Variants in CMSS1 observed in about 807,000 individuals in gnomAD.
The protein encoded by CMSS1 is protein CMSS1.
CMSS1 carries 33 observed loss-of-function variants against 43.5 expected under a neutral mutation model. The ratio of observed to expected loss-of-function variants is 0.76; its 90% CI spans 0.57 to 1.01. The LOEUF is 1.01. Ranked by LOEUF, CMSS1 falls within the 50% of genes least tolerant of loss-of-function variation. The pLI, the probability that CMSS1 is intolerant of heterozygous loss-of-function variation, is 0.00. For missense variants in CMSS1, 313 were observed against 326.4 expected (o/e 0.96, Z 0.32); for synonymous variants, 115 against 117.2 (o/e 0.98, Z 0.12).
At chr3:100,006,286 C>T (rs1306487619) in intron 1 of CMSS1, among the ~76,000 whole-genome samples, 2 of 152,086 alleles carry the variant, frequency 1.3e-5, no homozygotes, top group Non-Finnish European at 2.9e-5. Flanking sequence ...TTTTTGTTGT[C>T]TTTGAATTGT....
At chr3:99,993,264 T>C (rs1205950691) in intron 1 of CMSS1, among the ~76,000 whole-genome samples, 1 of 152,122 alleles carries the variant, frequency 6.6e-6, no homozygotes, top group Non-Finnish European at 1.5e-5. Flanking sequence ...TAATATTGAT[T>C]CTTCAATCTA....
intron 1 of CMSS1, chr3:99,833,282 G>A (rs759499304): frequency 4.7e-5 from 76 of 1,601,170 alleles, no homozygotes; most frequent in Non-Finnish European, 6.4e-5. Flanking sequence ...GTAGAAAGAA[G>A]AGGAGTAAAT....
chr3:99,998,698 G>T (rs1358803305), intron 1 of CMSS1, among the ~76,000 whole-genome samples: 1 of 152,178 alleles, frequency 6.6e-6, no homozygotes, highest in Admixed American at 6.5e-5. Flanking sequence ...CAGTAGCTGG[G>T]ACTACAAGCA....
chr3:100,152,458 G>A (rs1480851635), intron 2 of CMSS1, among the ~76,000 whole-genome samples: 1 of 152,126 alleles, frequency 6.6e-6, no homozygotes, highest in Non-Finnish European at 1.5e-5. Context: ...GGCCCTTGCT[G>A]AGAGAATATG....
At chr3:99,841,574 C>T (rs1165890851) in intron 1 of CMSS1, among the ~76,000 whole-genome samples, 1 of 152,142 alleles carries the variant, frequency 6.6e-6, no homozygotes, top group Non-Finnish European at 1.5e-5. Flanking sequence ...CTTTGTAGGT[C>T]TGTAGGGCTT....
At chr3:99,983,406 A>G (rs1446813734) in intron 1 of CMSS1, among the ~76,000 whole-genome samples, 5 of 110,602 alleles carry the variant, frequency 4.5e-5, no homozygotes, top group Admixed American at 2.0e-4. Context: ...ATATATATAT[A>G]TATATATATA....
intron 1 of CMSS1, among the ~76,000 whole-genome samples, chr3:99,881,631 C>T (rs1412924293): frequency 6.6e-6 from 1 of 151,748 alleles, no homozygotes; most frequent in Non-Finnish European, 1.5e-5. Context: ...CTCCTGGGTT[C>T]AGACAGTTCT....
intron 1 of CMSS1, among the ~76,000 whole-genome samples, chr3:99,867,384 A>T (rs528547289): frequency 3.2e-4 from 48 of 152,324 alleles, no homozygotes; most frequent in African/African-American, 1.2e-3. Flanking sequence ...GAATTTTAAG[A>T]GAAGGCAAAC....
intron 1 of CMSS1, among the ~76,000 whole-genome samples, chr3:99,963,551 G>A (rs1708555726): frequency 6.6e-6 from 1 of 152,154 alleles, no homozygotes; most frequent in Admixed American, 6.5e-5. Flanking sequence ...TACATTTTGT[G>A]TCAGAGAAGA....
At chr3:99,865,866 G>A (rs970779631) in intron 1 of CMSS1, among the ~76,000 whole-genome samples, 5 of 151,594 alleles carry the variant, frequency 3.3e-5, no homozygotes, top group African/African-American at 1.2e-4. Flanking sequence ...TGATCCTTTT[G>A]TATTTTAGCA....
rs576629260 is a variant in CMSS1, at chr3:99,971,140, A to G, written c.64+153097A>G. On this transcript the variant is annotated intron_variant, in intron 1 of 9. Coordinates refer to ENST00000421999, the MANE Select transcript of CMSS1 (RefSeq NM_032359.4). ...ATCACTAGGTCAGGAGATCGAGACC[A>G]TCCTGGCTAACATGGTGAAACCCCG... Among the ~76,000 whole-genome samples, 5 of 152,298 alleles carry G rather than the reference A, an allele frequency of 3.3e-5. No homozygotes were observed. The South Asian group carries it at 1.0e-3, about 32-fold the overall frequency.
At chr3:99,850,075 G>A (rs1182538686) in intron 1 of CMSS1, 4 of 1,612,600 alleles carry the variant, frequency 2.5e-6, no homozygotes, top group South Asian at 1.1e-5. Context: ...CTCAGTAACT[G>A]TTGTTACTTT....
intron 1 of CMSS1, among the ~76,000 whole-genome samples, chr3:100,011,507 A>T (rs1339700904): frequency 6.6e-6 from 1 of 152,140 alleles, no homozygotes; most frequent in Non-Finnish European, 1.5e-5. Context: ...CCTTCCCTCC[A>T]GTTTTAATTT....
At chr3:99,880,282 A>T (rs1285922406) in intron 1 of CMSS1, among the ~76,000 whole-genome samples, 1 of 152,188 alleles carries the variant, frequency 6.6e-6, no homozygotes, top group African/African-American at 2.4e-5. Flanking sequence ...GGCTCTGTAC[A>T]TGTAGATACC....
In CMSS1 at chr3:100,085,859, T is replaced by C. The variant is rs2066001004; in HGVS notation, c.65-61114T>C. 2.0e-5 allele frequency among the ~76,000 whole-genome samples: 3 copies of C among 152,356 alleles called. No individual in the cohort carries two copies. The South Asian group carries it at 6.2e-4, about 32-fold the overall frequency. ...CTCGACTAGCAGGAAAAGAGGTGGT[T>C]ACATTTTCATGAAGAGTAATATACT... On this transcript the variant is annotated intron_variant, in intron 1 of 9. Coordinates refer to ENST00000421999, the MANE Select transcript of CMSS1 (RefSeq NM_032359.4).
At chr3:99,852,881 A>G (rs1053306447) in intron 1 of CMSS1, among the ~76,000 whole-genome samples, 1 of 152,250 alleles carries the variant, frequency 6.6e-6, no homozygotes, top group African/African-American at 2.4e-5. Flanking sequence ...AAATAATTGT[A>G]TAAGAATTCT....
rs71688408 is a variant in CMSS1, at chr3:99,958,203, CATTATTATTATTATT to C, written c.64+140194_64+140208del. 5.6e-3 allele frequency among the ~76,000 whole-genome samples: 741 copies of C among 132,704 alleles called. 5 individuals are homozygous for C. Among genetic ancestry groups the C allele is most frequent in the African/African-American group, 0.018 (642 of 35,792 alleles). 87.1% of individuals were successfully genotyped at this position (132,704 alleles called of 152,430 possible). On this transcript the variant is annotated intron_variant, in intron 1 of 9. Coordinates refer to ENST00000421999, the MANE Select transcript of CMSS1 (RefSeq NM_032359.4). ...TCACCTAGGTATTAAGCCCTGCATG[CATTATTATTATTATT>C]ATTATTATTATTATTATTATTATTA...
intron 1 of CMSS1, among the ~76,000 whole-genome samples, chr3:100,030,234 TGTATAGTATTGGAGTTG>T (rs2065001214): frequency 1.3e-5 from 2 of 152,112 alleles, no homozygotes; most frequent in African/African-American, 4.8e-5. Context: ...GCATTTTGAC[TGTATAGTATTGGAGTTG>T]TACCAAAAGG....
intron 1 of CMSS1, among the ~76,000 whole-genome samples, chr3:100,065,281 T>C (rs1191227948): frequency 6.6e-6 from 1 of 152,194 alleles, no homozygotes; most frequent in Non-Finnish European, 1.5e-5. Flanking sequence ...CAGATAATGC[T>C]TTTTCCTGCT....
Sources: allele counts gnomAD v4.1 joint callset (sites outside exome capture counted in the v4.1 genomes callset), GRCh38; gene constraint gnomAD v4.1.1; transcripts MANE v1.5; gene names NCBI Gene and HGNC (gene_info 2026-07-23, HGNC 2026-07-21).